CDH13: variants seen among roughly 807,000 people sequenced by gnomAD.
CDH13 encodes cadherin 13.
CDH13 carries 24 observed loss-of-function variants against 63.8 expected under a neutral mutation model. That is an observed-to-expected ratio of 0.38 (90% CI 0.27 to 0.53). The LOEUF (loss-of-function observed/expected upper bound fraction) is 0.53. Ranked by LOEUF, CDH13 falls within the 20% of genes least tolerant of loss-of-function variation. The probability of loss-of-function intolerance (pLI) is 0.85; values close to 1 mark genes in which losing one functional copy is unlikely to be tolerated. For synonymous variants in CDH13, 503 were observed against 355.3 expected (o/e 1.42, Z -4.67); for missense variants, 1,049 against 903.1 (o/e 1.16, Z -2.07).
intron 3 of CDH13, among the ~76,000 whole-genome samples, chr16:83,064,154 A>G (rs2031809015): frequency 6.6e-6 from 1 of 152,160 alleles, no homozygotes; most frequent in South Asian, 2.1e-4. Flanking sequence ...GCAGACCATG[A>G]GGTCAGGAGC....
chr16:82,638,942 C>A (rs116277699), intron 1 of CDH13, among the ~76,000 whole-genome samples: 1 of 148,756 alleles, frequency 6.7e-6, no homozygotes. Flanking sequence ...TATCTGGAAT[C>A]CTTCCTGCAA....
intron 1 of CDH13, among the ~76,000 whole-genome samples, chr16:82,790,811 C>G (rs2036262070): frequency 6.6e-6 from 1 of 152,166 alleles, no homozygotes; most frequent in Non-Finnish European, 1.5e-5. Flanking sequence ...CTTGTGAGAA[C>G]TCACTCACTA....
intron 7 of CDH13, among the ~76,000 whole-genome samples, chr16:83,587,588 C>G (rs2150731457): frequency 6.6e-6 from 1 of 152,276 alleles, no homozygotes; most frequent in Middle Eastern, 3.4e-3. Flanking sequence ...TGCCGCCCTT[C>G]TAACTGCACT....
At chr16:82,729,208 A>C (rs914722446) in intron 1 of CDH13, among the ~76,000 whole-genome samples, 58 of 152,218 alleles carry the variant, frequency 3.8e-4, no homozygotes, top group African/African-American at 1.4e-3. Context: ...TCCATGAATC[A>C]TGAATATTTT....
chr16:83,417,185 A>G (rs951614413), intron 6 of CDH13, among the ~76,000 whole-genome samples: 3 of 152,184 alleles, frequency 2.0e-5, no homozygotes. Context: ...TGGTGGGGCC[A>G]TAATTTAAAC....
intron 6 of CDH13, among the ~76,000 whole-genome samples, chr16:83,380,010 T>C (rs2091533816): frequency 1.3e-5 from 2 of 150,764 alleles, no homozygotes; most frequent in African/African-American, 2.4e-5. Flanking sequence ...ATATTCCATA[T>C]AATACAATTT....
chr16:82,942,168 G>A (rs182168237), intron 2 of CDH13, among the ~76,000 whole-genome samples: 59 of 152,170 alleles, frequency 3.9e-4, no homozygotes, highest in African/African-American at 1.1e-3. Context: ...CTTGCTTTTC[G>A]TAGGTTTCAT....
Position 82,630,620 on chromosome 16 carries a change from G to A in CDH13, c.45+3483G>A, listed in dbSNP as rs1907892636. Among the ~76,000 whole-genome samples the A allele has an allele frequency of 2.6e-5, 4 of 152,206 alleles. No individual in the cohort carries two copies. In the South Asian group the frequency reaches 8.3e-4, roughly 31 times the overall value. ...TATCTAAAAGCATCAGCACTTGGAT[G>A]TGTAAACTGAGCCTCAATCTGAAGT... On this transcript the variant is annotated intron_variant, in intron 1 of 13. Coordinates refer to ENST00000567109, the MANE Select transcript of CDH13 (RefSeq NM_001257.5).
At chr16:82,708,771 G>C (rs925978323) in intron 1 of CDH13, among the ~76,000 whole-genome samples, 2 of 152,172 alleles carry the variant, frequency 1.3e-5, no homozygotes, top group African/African-American at 4.8e-5. Flanking sequence ...GAAGCTGTCA[G>C]TTTTCTGAGA....
chr16:83,485,581 T>A (rs1346509523), intron 6 of CDH13, among the ~76,000 whole-genome samples: 1 of 152,176 alleles, frequency 6.6e-6, no homozygotes, highest in Admixed American at 6.5e-5. Flanking sequence ...GAATGCCTTT[T>A]TGCTCTGAGG....
chr16:83,660,931 A>G (rs1234793741), intron 8 of CDH13, among the ~76,000 whole-genome samples: 1 of 47,486 alleles, frequency 2.1e-5, no homozygotes, highest in Non-Finnish European at 6.4e-5. Context: ...AAATTGAAGA[A>G]AAAAAAATGT....
At chr16:83,696,470 C>T (rs1441280520) in intron 10 of CDH13, among the ~76,000 whole-genome samples, 1 of 152,052 alleles carries the variant, frequency 6.6e-6, no homozygotes, top group African/African-American at 2.4e-5. Flanking sequence ...AGACGTCCTT[C>T]AAGCCCACAC....
chr16:82,921,995 T>C (rs997924273), intron 2 of CDH13, among the ~76,000 whole-genome samples: 1 of 152,178 alleles, frequency 6.6e-6, no homozygotes. Context: ...AGTTTGGTAA[T>C]TTGTGTCATT....
chr16:83,727,275 A>G (rs988535348), intron 10 of CDH13, among the ~76,000 whole-genome samples: 2 of 93,912 alleles, frequency 2.1e-5, no homozygotes, highest in African/African-American at 1.1e-4. Context: ...ATCAGCTAAC[A>G]TGTGATATCC....
chr16:83,501,364 G>C (rs73603899), intron 7 of CDH13, among the ~76,000 whole-genome samples: 2,936 of 152,154 alleles, frequency 0.019, 77 homozygotes, highest in African/African-American at 0.06. Flanking sequence ...TTGTTGTGTG[G>C]GCTGATTTTT....
chr16:82,642,541 A>G (rs1209473365), intron 1 of CDH13, among the ~76,000 whole-genome samples: 1 of 152,316 alleles, frequency 6.6e-6, no homozygotes, highest in South Asian at 2.1e-4. Context: ...AAATGTGCAT[A>G]TGATGAGACT....
At chr16:83,652,935 T>C (rs1417792150) in intron 8 of CDH13, among the ~76,000 whole-genome samples, 2 of 152,162 alleles carry the variant, frequency 1.3e-5, no homozygotes, top group African/African-American at 4.8e-5. Flanking sequence ...AAACAAAACA[T>C]GGTCCATCCA....
intron 7 of CDH13, among the ~76,000 whole-genome samples, chr16:83,524,242 G>A (rs1425072634): frequency 1.3e-5 from 2 of 152,126 alleles, no homozygotes; most frequent in African/African-American, 4.8e-5. Flanking sequence ...TCAGCATGCA[G>A]TGTACATGAG....
At chr16:83,338,600 T>C (rs1355018143) in intron 5 of CDH13, among the ~76,000 whole-genome samples, 3 of 152,286 alleles carry the variant, frequency 2.0e-5, no homozygotes, top group Admixed American at 6.5e-5. Flanking sequence ...GCTGACGCCA[T>C]GGGAATGTAA....
Sources: allele counts gnomAD v4.1 joint callset (sites outside exome capture counted in the v4.1 genomes callset), GRCh38; gene constraint gnomAD v4.1.1; transcripts MANE v1.5; gene names NCBI Gene and HGNC (gene_info 2026-07-23, HGNC 2026-07-21).